Variants in CSTF1 observed in about 807,000 individuals in gnomAD.
CSTF1 encodes CF-1 50 kDa subunit.
In CSTF1, 2 loss-of-function variants were observed where a neutral mutation model predicts 40.9. That is an observed-to-expected ratio of 0.05 (90% CI 0.02 to 0.15). The LOEUF is 0.15. CSTF1 is among the 10% of genes least tolerant of loss of function. The probability of loss-of-function intolerance (pLI) is 1.00; values close to 1 mark genes in which losing one functional copy is unlikely to be tolerated. For synonymous variants in CSTF1, 218 were observed against 207.2 expected, an observed-to-expected ratio of 1.05 and a Z score of -0.45; for missense variants, 279 against 558.9, an observed-to-expected ratio of 0.50 and a Z score of 5.05.
intron 2 of CSTF1, chr20:56,396,857 A>G (rs1987532565): frequency 5.2e-6 from 1 of 191,558 alleles, no homozygotes; most frequent in African/African-American, 2.3e-5. Flanking sequence ...AACCCTAAAA[A>G]TATTAAAATT....
chr20:56,403,396 A>G (rs1978556127), intron 5 of CSTF1, 72 bp from the exon 6 acceptor site: 3 of 1,564,568 alleles, frequency 1.9e-6, no homozygotes, highest in Non-Finnish European at 2.6e-6. Flanking sequence ...ATGCTTTTAC[A>G]TTGAATGCTA....
intron 4 of CSTF1, among the ~76,000 whole-genome samples, chr20:56,398,405 C>A (rs1236739745): frequency 6.6e-6 from 1 of 152,028 alleles, no homozygotes; most frequent in Non-Finnish European, 1.5e-5. Context: ...CTCATCTCTA[C>A]AAAAAATTCT....
intron 2 of CSTF1, chr20:56,396,878 AAAAATGGATAATTTAACTACAGAACTGCT>A (rs1174128542): frequency 4.6e-5 from 10 of 216,966 alleles, no homozygotes; most frequent in Admixed American, 3.8e-4. Flanking sequence ...TGGAATGGAA[AAAAATGGATAATTTAACTACAGAACTGCT>A]ATTTTTTGAG....
At position 56,393,129 on chromosome 20, in the gene CSTF1, T is replaced by TAC. The variant is rs1234417401; in HGVS notation, c.-33+417_-33+418insCA. On this transcript the variant is annotated intron_variant, in intron 1 of 5. Transcript: ENST00000217109. Reference sequence around the variant, plus strand: ...GTGGGCCACTTAAAATATATATATATATACACACACACACACATATACATA... The same window carrying TAC: ...GTGGGCCACTTAAAATATATATATATACATACACACACACACACATATACATA... Among the ~76,000 whole-genome samples, 854 of 134,734 alleles carry TAC rather than the reference T, an allele frequency of 6.3e-3. 4 individuals are homozygous for TAC. Among genetic ancestry groups the TAC allele is most frequent in the Admixed American group, 0.012 (158 of 13,002 alleles). The allele number at this position is 134,734 out of a possible 152,430, so 88.4% of individuals were successfully genotyped here. A position where few individuals can be genotyped will look rare whatever the true frequency, so the allele number is the denominator to read the frequency against.
In CSTF1 at chr20:56,397,620, G is replaced by C. The variant is rs755764132; in HGVS notation, c.448-24G>C. The C allele has an allele frequency of 6.2e-7, 1 of 1,611,402 alleles. No homozygotes were observed. The highest frequency in any genetic ancestry group is 8.5e-7 in the Non-Finnish European group (1 of 1,177,602). Reference sequence around the variant, plus strand: ...TGGATTCAGACACATTCTGTGCCTTGAGCATCTCTTCTTGTTGGTCTAGGT... The same window carrying C: ...TGGATTCAGACACATTCTGTGCCTTCAGCATCTCTTCTTGTTGGTCTAGGT... On this transcript the variant is annotated intron_variant, in intron 3 of 5. Transcript: ENST00000217109. This position sits in a 1 kb window ranked among gnomAD's most constrained non-coding sequence, Gnocchi z 4.4.
Position 56,399,343 on chromosome 20 carries a change from T to C in CSTF1, c.1022T>C (p.Leu341Pro). The C allele has an allele frequency of 6.2e-7, 1 of 1,610,542 alleles. No homozygotes were observed. The highest frequency in any genetic ancestry group is 8.5e-7 in the Non-Finnish European group (1 of 1,177,794). ...TGGGAAATATCAACGGGACGAACAC[T>C]GGTCAGATACACGGGTATGTGAGAC... ...KLWEISTGRT[L>P]VRYTGAGLSG... Residue 341 changes from leucine to proline, a missense_variant, in exon 5 of 6, where the codon CTG becomes CCG. Physicochemically the swap from Leu to Pro is moderately conservative, Grantham distance 98 (BLOSUM62 -3). Coordinates refer to ENST00000217109, the MANE Select transcript of CSTF1 (RefSeq NM_001324.3). This position sits in a 1 kb window ranked among gnomAD's most constrained non-coding sequence, Gnocchi z 4.6.
intron 1 of CSTF1, among the ~76,000 whole-genome samples, chr20:56,393,936 C>T (rs1423077459): frequency 1.3e-5 from 2 of 152,188 alleles, no homozygotes; most frequent in Non-Finnish European, 2.9e-5. Flanking sequence ...CCCGCCAAAG[C>T]ATCTTGTTTT....
intron 1 of CSTF1, among the ~76,000 whole-genome samples, chr20:56,394,673 A>C (rs534332368): frequency 6.6e-6 from 1 of 152,364 alleles, no homozygotes; most frequent in East Asian, 1.9e-4. Flanking sequence ...TCTTGGTCCA[A>C]ACATACACAT....
intron 5 of CSTF1, among the ~76,000 whole-genome samples, chr20:56,401,290 AG>A (rs1444432829): frequency 6.6e-6 from 1 of 150,916 alleles, no homozygotes. Context: ...GCCAAAGGAC[AG>A]GGGGCTGCAG....
At chr20:56,392,751 T>G (rs1181085074) in intron 1 of CSTF1, 38 bp downstream of exon 1, 1 of 152,102 alleles carries the variant, frequency 6.6e-6, no homozygotes, top group Non-Finnish European at 1.5e-5. Flanking sequence ...TGCGGTCGGC[T>G]GGGGCATTTA....
Position 56,399,463 on chromosome 20 carries a change from A to G in CSTF1, c.1036+106A>G. 9.8e-7 allele frequency: 1 copy of G among 1,022,798 alleles called. No individual in the cohort carries two copies. The highest frequency in any genetic ancestry group is 1.4e-6 in the Non-Finnish European group (1 of 700,704). 63.4% of individuals were successfully genotyped at this position (1,022,798 alleles called of 1,614,324 possible). A position where few individuals can be genotyped will look rare whatever the true frequency, so the allele number is the denominator to read the frequency against. On this transcript the variant is annotated intron_variant, in intron 5 of 5. Coordinates refer to ENST00000217109, the MANE Select transcript of CSTF1 (RefSeq NM_001324.3). The surrounding 1 kb of genome is among the most constrained non-coding windows in gnomAD (Gnocchi z 4.6). ...GCAACACAATATCTATGCATTGAGC[A>G]AGGCAGATGTTACCCTTTCTTAGAT...
chr20:56,398,157 TA>T (rs905084067), intron 4 of CSTF1, among the ~76,000 whole-genome samples: 2 of 151,648 alleles, frequency 1.3e-5, no homozygotes, highest in Non-Finnish European at 2.9e-5. Context: ...CTTAGAGGAA[TA>T]AAAAAAAAGT....
At chr20:56,393,247 G>A (rs1987365091) in intron 1 of CSTF1, among the ~76,000 whole-genome samples, 1 of 151,844 alleles carries the variant, frequency 6.6e-6, no homozygotes. Context: ...CAGTGGTGTA[G>A]GGGAACCAAA....
At position 56,392,699 on chromosome 20, in the gene CSTF1, G is replaced by C. The variant is rs533869521; in HGVS notation, c.-47G>C. ...TCCAGGAGAGAGCGGGATACCAAGA[G>C]AACCGGACCAGCTGGTACTGGGACA... On this transcript the variant is annotated 5_prime_UTR_variant, in exon 1 of 6. Coordinates refer to ENST00000217109, the MANE Select transcript of CSTF1 (RefSeq NM_001324.3). 1 of 152,332 alleles carries C rather than the reference G, an allele frequency of 6.6e-6. No homozygotes were observed. The highest frequency in any genetic ancestry group is 6.5e-5 in the Admixed American group (1 of 15,294). The allele number at this position is 152,332 out of a possible 1,614,324, so 9.4% of individuals were successfully genotyped here. A position where few individuals can be genotyped will look rare whatever the true frequency, so the allele number is the denominator to read the frequency against.
At position 56,397,114 on chromosome 20, in the gene CSTF1, G is replaced by A. The variant is rs551110957; in HGVS notation, c.170-93G>A. On this transcript the variant is annotated intron_variant, in intron 2 of 5. Transcript: ENST00000217109. The surrounding 1 kb of genome is among the most constrained non-coding windows in gnomAD (Gnocchi z 4.4). The stretch of plus-strand genomic sequence containing the variant: ...CAAGAAATAGGAGGTTGACACTGGT[G>A]AGCATCTTTCCAGTTTGGATCTAGA... 2.2e-4 allele frequency: 301 copies of A among 1,342,952 alleles called. No homozygotes were observed. The highest frequency in any genetic ancestry group is 2.2e-3 in the South Asian group (161 of 72,768). The allele number at this position is 1,342,952 out of a possible 1,614,324, so 83.2% of individuals were successfully genotyped here. A position where few individuals can be genotyped will look rare whatever the true frequency, so the allele number is the denominator to read the frequency against.
chr20:56,398,168 T>C lies in CSTF1; in HGVS notation c.645+327T>C, dbSNP rs73285257. On this transcript the variant is annotated intron_variant, in intron 4 of 5. Transcript: ENST00000217109. Reference sequence around the variant, plus strand: ...ATAACTTAGAGGAATAAAAAAAAAGTTCATTTGAAAGTATTAAGTATTTCC... The same window carrying C: ...ATAACTTAGAGGAATAAAAAAAAAGCTCATTTGAAAGTATTAAGTATTTCC... Among the ~76,000 whole-genome samples, 834 of 152,260 alleles carry C rather than the reference T, an allele frequency of 5.5e-3. 5 individuals are homozygous for C. Among genetic ancestry groups the C allele is most frequent in the African/African-American group, 0.019 (781 of 41,562 alleles).
At chr20:56,395,330 T>C (rs1987485932) in intron 1 of CSTF1, among the ~76,000 whole-genome samples, 191 bp from the exon 2 acceptor site, 1 of 152,210 alleles carries the variant, frequency 6.6e-6, no homozygotes, top group African/African-American at 2.4e-5. Context: ...TGCACCACCG[T>C]GTTTAACTTC....
In CSTF1 at chr20:56,403,465, C is replaced by T; in HGVS notation, c.1037-3C>T. Reference sequence around the variant, plus strand: ...AAGCTATCCCTCTTGCTCTCTGTGGCAGGCGCGGGTTTAAGTGGACGCCAG... The same window carrying T: ...AAGCTATCCCTCTTGCTCTCTGTGGTAGGCGCGGGTTTAAGTGGACGCCAG... On this transcript the variant is annotated splice_region_variant and splice_polypyrimidine_tract_variant and intron_variant, in intron 5 of 5. Transcript: ENST00000217109. 2 of 1,613,856 alleles carry T rather than the reference C, an allele frequency of 1.2e-6. No individual in the cohort carries two copies. Among genetic ancestry groups the T allele is most frequent in the Non-Finnish European group, 1.7e-6 (2 of 1,179,802 alleles).
At chr20:56,393,020 T>A (rs1382495507) in intron 1 of CSTF1, among the ~76,000 whole-genome samples, 4 of 152,118 alleles carry the variant, frequency 2.6e-5, no homozygotes, top group Non-Finnish European at 5.9e-5. Context: ...GTTCTTGTCC[T>A]CGTGTGCTCA....
Sources: gnomAD v4.1 joint callset for allele counts (sites outside exome capture counted in the v4.1 genomes callset) on GRCh38, gnomAD v4.1.1 for gene constraint, Gnocchi (gnomAD v3.1) non-coding constraint, MANE v1.5 for transcripts, NCBI Gene and HGNC (gene_info 2026-07-23, HGNC 2026-07-21) for gene names.